The following KCNN2 variants were observed in gnomAD, a reference collection of about 807,000 sequenced individuals.
KCNN2 encodes the protein potassium calcium-activated channel subfamily N member 2.
KCNN2 carries 24 observed loss-of-function variants against 55.5 expected under a neutral mutation model. That is an observed-to-expected ratio of 0.43 (90% CI 0.31 to 0.61). KCNN2 has a LOEUF of 0.61. KCNN2 is among the 20% of genes least tolerant of loss of function. The pLI is 0.08. For synonymous variants in KCNN2, 431 were observed against 336.1 expected (o/e 1.28, Z -3.09); for missense variants, 754 against 853.6 (o/e 0.88, Z 1.45).
intron 1 of KCNN2, among the ~76,000 whole-genome samples, chr5:114,085,186 G>A (rs967181163): frequency 6.6e-6 from 1 of 151,688 alleles, no homozygotes; most frequent in African/African-American, 2.4e-5. Flanking sequence ...AGCTAGTATT[G>A]TGCTAGCTTT....
At chr5:114,383,092 C>A (rs1758174668) in intron 2 of KCNN2, among the ~76,000 whole-genome samples, 1 of 152,042 alleles carries the variant, frequency 6.6e-6, no homozygotes, top group African/African-American at 2.4e-5. Flanking sequence ...TCTAGTTTGC[C>A]CAGGTACTAA....
rs556719288 is a variant in KCNN2 at position 114,213,108 on chromosome 5, C to T, written c.-270-8372C>T. 2.6e-5 allele frequency among the ~76,000 whole-genome samples: 4 copies of T among 152,016 alleles called. No individual in the cohort carries two copies. In the South Asian group the frequency reaches 8.3e-4, roughly 31 times the overall value. On this transcript the variant is annotated intron_variant, in intron 1 of 10. Transcript: ENST00000512097. ...ATGGAAAATTGATCAAAGTTTTGGTCCTCTAGCTCTCAAGGCCATTAGAAA... is the reference window on the plus strand; with the variant it reads ...ATGGAAAATTGATCAAAGTTTTGGTTCTCTAGCTCTCAAGGCCATTAGAAA...
chr5:114,489,892 C>T (rs1369192689), intron 6 of KCNN2, among the ~76,000 whole-genome samples: 1 of 152,154 alleles, frequency 6.6e-6, no homozygotes, highest in Non-Finnish European at 1.5e-5. Flanking sequence ...CGATAGATCA[C>T]TCCTGGCCTC....
intron 2 of KCNN2, among the ~76,000 whole-genome samples, chr5:114,384,853 C>T (rs190788012): frequency 2.6e-5 from 4 of 152,254 alleles, no homozygotes; most frequent in Admixed American, 2.0e-4. Flanking sequence ...TGGGAGCCTA[C>T]GTGACACACA....
At chr5:114,088,660 C>T (rs1278977246) in intron 1 of KCNN2, among the ~76,000 whole-genome samples, 2 of 152,074 alleles carry the variant, frequency 1.3e-5, no homozygotes, top group Non-Finnish European at 2.9e-5. Context: ...CGCTCTGTCG[C>T]CCAGGCTGGA....
chr5:114,363,127 G>A lies in KCNN2; in HGVS notation c.988G>A (p.Gly330Ser). 1.2e-6 allele frequency: 2 copies of A among 1,613,466 alleles called. No homozygotes were observed. Among genetic ancestry groups the A allele is most frequent in the Non-Finnish European group, 1.7e-6 (2 of 1,179,984 alleles). The change falls in exon 1 of 8, where the codon GGC (glycine) becomes AGC (serine). Residue 330 changes from glycine to serine, a missense_variant. Physicochemically the swap from Gly to Ser is moderately conservative, Grantham distance 56. Around this residue, in one of 4 missense-constraint regions of KCNN2, gnomAD observed 123 missense variants for 204.9 expected, o/e 0.60. Coordinates refer to ENST00000673685, the MANE Select transcript of KCNN2 (RefSeq NM_021614.4). ...KSSKKKNQNI[G>S]YKLGHRRALF... ...CAGCAAAAAGAAAAACCAGAACATC[G>A]GCTACAAGCTGGGCCACCGGCGCGC...
intron 1 of KCNN2, among the ~76,000 whole-genome samples, chr5:114,208,238 ACGGAGTGTAATTGTGG>A (rs1284398738): frequency 3.9e-5 from 6 of 152,222 alleles, no homozygotes; most frequent in Non-Finnish European, 8.8e-5. Context: ...CTGAAATTGA[ACGGAGTGTAATTGTGG>A]CTACTTTATC....
rs536940294 is a variant in KCNN2, at chr5:114,330,655, T to G, written c.-184-30290T>G. Among the ~76,000 whole-genome samples, 12 of 152,206 alleles carry G rather than the reference T, an allele frequency of 7.9e-5. 1 individual carries two copies. The South Asian group carries it at 2.5e-3, about 32-fold the overall frequency. ...CTGTCCTCTTCCTGGAGCACACTGC[T>G]CTCAATCTGTCTGACAAATTCCCAC... On this transcript the variant is annotated intron_variant, in intron 2 of 10. Transcript: ENST00000512097.
intron 2 of KCNN2, among the ~76,000 whole-genome samples, chr5:114,248,918 G>A (rs1440975318): frequency 1.3e-5 from 2 of 152,186 alleles, no homozygotes; most frequent in Non-Finnish European, 2.9e-5. Flanking sequence ...ACTCTTGAGG[G>A]TGTGAAAGGG....
rs13169895 is a variant in KCNN2, at chr5:114,142,036, T to G, written c.-270-79444T>G. Among the ~76,000 whole-genome samples, 340 of 152,302 alleles carry G rather than the reference T, an allele frequency of 2.2e-3. 2 individuals are homozygous for G. Among genetic ancestry groups the G allele is most frequent in the Non-Finnish European group, 4.1e-3 (281 of 68,022 alleles). ...TTTGTAGATTCTGGATATTAGCCCT[T>G]TGTCAGATGAGTAGATTGCAAAAAA... On this transcript the variant is annotated intron_variant, in intron 1 of 10. Coordinates refer to the KCNN2 transcript ENST00000512097.
chr5:114,460,498 T>C (rs1761144523), intron 3 of KCNN2, among the ~76,000 whole-genome samples: 1 of 152,072 alleles, frequency 6.6e-6, no homozygotes. Context: ...CCTACTTTGG[T>C]CTCCCAAAGT....
At chr5:114,409,262 A>C (rs979110870) in intron 3 of KCNN2, among the ~76,000 whole-genome samples, 14 of 152,206 alleles carry the variant, frequency 9.2e-5, no homozygotes, top group Admixed American at 2.6e-4. Flanking sequence ...GATTTTCCAC[A>C]TTTGGTTTTT....
chr5:114,363,014 C>T lies in KCNN2; in HGVS notation c.875C>T (p.Ala292Val), dbSNP rs975532300. 6.3e-7 allele frequency: 1 copy of T among 1,599,416 alleles called. No homozygotes were observed. ...KPEHNNSNNL[A>V]LYGTGGGGST... ...GAGCACAACAACTCCAACAACCTGG[C>T]GCTCTATGGAACCGGCGGCGGAGGC... Residue 292 changes from alanine to valine, a missense_variant, in exon 1 of 8, where the codon GCG (alanine) becomes GTG (valine). Ala to Val is a moderately conservative substitution (Grantham distance 64, BLOSUM62 0). This residue lies in a region of KCNN2 where 381 missense variants were observed against 259.1 expected (regional missense o/e 1.47). Transcript: ENST00000673685.
intron 2 of KCNN2, among the ~76,000 whole-genome samples, chr5:114,336,683 G>A (rs1756930050): frequency 6.6e-6 from 1 of 152,204 alleles, no homozygotes; most frequent in Non-Finnish European, 1.5e-5. Flanking sequence ...GGGTGCTGGG[G>A]ATGGCTATTG....
intron 3 of KCNN2, among the ~76,000 whole-genome samples, chr5:114,419,912 C>A (rs1254502334): frequency 6.6e-6 from 1 of 152,218 alleles, no homozygotes; most frequent in Non-Finnish European, 1.5e-5. Context: ...GCAGCAGGAT[C>A]ACTTGAGCCC....
At chr5:114,350,966 T>G (rs935074806) in intron 2 of KCNN2, among the ~76,000 whole-genome samples, 1 of 151,802 alleles carries the variant, frequency 6.6e-6, no homozygotes, top group Non-Finnish European at 1.5e-5. Context: ...AATGTTAGGG[T>G]CAGTTTGCCA....
rs73243766 is a variant in KCNN2 at position 114,330,565 on chromosome 5, C to A, written c.-184-30380C>A. On this transcript the variant is annotated intron_variant, in intron 2 of 10. Coordinates refer to the KCNN2 transcript ENST00000512097. ...TTCCTGCCACCTTTAAACACTCCAC[C>A]CTCTAGATAAAAGTCTAATGTGTGC... 4.9e-3 allele frequency among the ~76,000 whole-genome samples: 751 copies of A among 152,200 alleles called. 5 individuals carry two copies. Among genetic ancestry groups the A allele is most frequent in the African/African-American group, 0.017 (720 of 41,528 alleles).
At chr5:114,120,623 G>C (rs927175539) in intron 1 of KCNN2, among the ~76,000 whole-genome samples, 1 of 152,158 alleles carries the variant, frequency 6.6e-6, no homozygotes, top group African/African-American at 2.4e-5. Context: ...ATGCAAAGGG[G>C]GAGGCCAATT....
At chr5:114,348,655 G>T (rs1757157171) in intron 2 of KCNN2, among the ~76,000 whole-genome samples, 2 of 152,062 alleles carry the variant, frequency 1.3e-5, no homozygotes, top group African/African-American at 4.8e-5. Context: ...CATTCACTGA[G>T]CCATGATACT....
Sources: gnomAD v4.1 joint callset for allele counts (sites outside exome capture counted in the v4.1 genomes callset) on GRCh38, gnomAD v4.1.1 for gene constraint, gnomAD v4.1.1 regional missense constraint, MANE v1.5 for transcripts, NCBI Gene and HGNC (gene_info 2026-07-23, HGNC 2026-07-21) for gene names.